Variants in DPYD observed in about 807,000 individuals in gnomAD.
DPYD encodes dihydropyrimidine dehydrogenase [NADP(+)].
DPYD carries 109 observed loss-of-function variants against 116.2 expected under a neutral mutation model. The ratio of observed to expected loss-of-function variants is 0.94; its 90% CI spans 0.80 to 1.10. The LOEUF is 1.10. Ranked by LOEUF, DPYD falls within the 50% of genes least tolerant of loss-of-function variation. The pLI is 0.00. For synonymous variants in DPYD, 440 were observed against 432.0 expected (o/e 1.02, Z -0.23); for missense variants, 1,302 against 1,254.5 (o/e 1.04, Z -0.57).
intron 3 of DPYD, among the ~76,000 whole-genome samples, chr1:97,790,855 T>C (rs1036826217): frequency 6.6e-6 from 1 of 152,236 alleles, no homozygotes; most frequent in African/African-American, 2.4e-5. Flanking sequence ...TGATTAAAGA[T>C]TATCTACAAT....
intron 14 of DPYD, among the ~76,000 whole-genome samples, chr1:97,420,745 C>T (rs1037613390): frequency 6.6e-5 from 10 of 152,166 alleles, no homozygotes; most frequent in Non-Finnish European, 1.3e-4. Context: ...TTTTCTCAAA[C>T]TTCAAAGGTA....
At chr1:97,415,273 C>G (rs1674229172) in intron 14 of DPYD, among the ~76,000 whole-genome samples, 1 of 152,296 alleles carries the variant, frequency 6.6e-6, no homozygotes, top group Non-Finnish European at 1.5e-5. Context: ...TTGATCCTAT[C>G]TAAATGAATC....
intron 1 of DPYD, among the ~76,000 whole-genome samples, chr1:97,916,541 A>G (rs534963617): frequency 2.6e-5 from 4 of 152,282 alleles, no homozygotes; most frequent in Admixed American, 2.6e-4. Context: ...TTTTTCTTCT[A>G]GAATGTAACA....
chr1:97,208,029 CA>C (rs1457928053), intron 19 of DPYD, among the ~76,000 whole-genome samples: 1 of 152,118 alleles, frequency 6.6e-6, no homozygotes, highest in East Asian at 1.9e-4. Flanking sequence ...ACAGGTCCTG[CA>C]AAACCACTGC....
chr1:97,793,648 A>G (rs1277831688), intron 3 of DPYD, among the ~76,000 whole-genome samples: 2 of 152,180 alleles, frequency 1.3e-5, no homozygotes, highest in Non-Finnish European at 2.9e-5. Flanking sequence ...CCCATATGAA[A>G]AAAACAAAAA....
At chr1:97,230,937 T>G (rs147470264) in intron 19 of DPYD, among the ~76,000 whole-genome samples, 71 of 152,312 alleles carry the variant, frequency 4.7e-4, no homozygotes, top group African/African-American at 1.6e-3. Context: ...ACAATAGGCT[T>G]CATGTGCATA....
intron 20 of DPYD, among the ~76,000 whole-genome samples, chr1:97,186,990 A>G (rs777180615): frequency 9.2e-5 from 14 of 152,212 alleles, no homozygotes; most frequent in Non-Finnish European, 1.5e-4. Context: ...GTCAAAGTAC[A>G]TTTAGCTTTA....
At chr1:97,153,973 C>T (rs1188155553) in intron 20 of DPYD, among the ~76,000 whole-genome samples, 1 of 126,224 alleles carries the variant, frequency 7.9e-6, no homozygotes, top group Non-Finnish European at 1.7e-5. Context: ...TGGCCATGAT[C>T]AAAAAAAAAA....
chr1:97,290,450 A>G (rs1006011936), intron 18 of DPYD, among the ~76,000 whole-genome samples: 1 of 152,228 alleles, frequency 6.6e-6, no homozygotes, highest in African/African-American at 2.4e-5. Context: ...ACAAGGCTAC[A>G]GTAACCAAAA....
At chr1:97,231,571 A>G (rs918267739) in intron 19 of DPYD, among the ~76,000 whole-genome samples, 4 of 152,230 alleles carry the variant, frequency 2.6e-5, no homozygotes, top group Admixed American at 2.0e-4. Context: ...AAAGCACAGG[A>G]AAGACCTGCC....
At chr1:97,195,129 A>G (rs1658657041) in intron 19 of DPYD, among the ~76,000 whole-genome samples, 1 of 152,148 alleles carries the variant, frequency 6.6e-6, no homozygotes, top group South Asian at 2.1e-4. Context: ...CAAATTCAAA[A>G]TTTACAACAT....
intron 16 of DPYD, among the ~76,000 whole-genome samples, chr1:97,365,032 G>A (rs1199584125): frequency 1.3e-5 from 2 of 152,126 alleles, no homozygotes; most frequent in Non-Finnish European, 2.9e-5. Flanking sequence ...TGTGAAGGTG[G>A]TGCCTCTGAT....
At chr1:97,299,072 T>C (rs1239214882) in intron 18 of DPYD, among the ~76,000 whole-genome samples, 1 of 152,160 alleles carries the variant, frequency 6.6e-6, no homozygotes, top group Non-Finnish European at 1.5e-5. Context: ...GACTGTGACA[T>C]GGTGAACTGT....
At chr1:97,490,476 T>C (rs1678912638) in intron 13 of DPYD, among the ~76,000 whole-genome samples, 2 of 88,566 alleles carry the variant, frequency 2.3e-5, no homozygotes, top group African/African-American at 8.4e-5. Flanking sequence ...ACTATAATAG[T>C]ATATTGTGTT....
At chr1:97,391,538 G>A (rs2101603135) in intron 14 of DPYD, among the ~76,000 whole-genome samples, 1 of 152,064 alleles carries the variant, frequency 6.6e-6, no homozygotes, top group Non-Finnish European at 1.5e-5. Flanking sequence ...GCAGGCATCA[G>A]AGTTTTTCAA....
intron 20 of DPYD, among the ~76,000 whole-genome samples, chr1:97,187,084 T>C (rs368440857): frequency 6.6e-6 from 1 of 152,190 alleles, no homozygotes; most frequent in African/African-American, 2.4e-5. Flanking sequence ...TTCCTTTGGA[T>C]ATAAACCCAA....
chr1:97,081,918 A>C (rs377253326), intron 22 of DPYD, among the ~76,000 whole-genome samples: 1 of 151,944 alleles, frequency 6.6e-6, no homozygotes. Context: ...TCAATACTGA[A>C]TGGAAGAGAA....
chr1:97,570,101 A>G (rs1652790828), intron 11 of DPYD, among the ~76,000 whole-genome samples: 1 of 152,024 alleles, frequency 6.6e-6, no homozygotes, highest in African/African-American at 2.4e-5. Flanking sequence ...GGTGTATAAC[A>G]CTAAAAAAGT....
intron 21 of DPYD, among the ~76,000 whole-genome samples, chr1:97,091,668 T>A (rs1649906252): frequency 6.6e-6 from 1 of 152,182 alleles, no homozygotes; most frequent in African/African-American, 2.4e-5. Context: ...CTGTGGCTCC[T>A]AGAATTTGAA....
Sources: gnomAD v4.1 joint callset for allele counts (sites outside exome capture counted in the v4.1 genomes callset) on GRCh38, gnomAD v4.1.1 for gene constraint, MANE v1.5 for transcripts, NCBI Gene and HGNC (gene_info 2026-07-23, HGNC 2026-07-21) for gene names.